USP42: variants seen among roughly 807,000 people sequenced by gnomAD.
USP42 encodes the protein ubiquitin carboxyl-terminal hydrolase 42.
In USP42, 23 loss-of-function variants were observed where a neutral mutation model predicts 113.0. That is an observed-to-expected ratio of 0.20 (90% CI 0.15 to 0.29). The LOEUF is 0.29. Among genes scored for constraint, USP42 ranks in the 10% least tolerant of loss-of-function variants. USP42 has a pLI of 1.00. For synonymous variants in USP42, 933 were observed against 699.0 expected, an observed-to-expected ratio of 1.33 and a Z score of -5.28; for missense variants, 2,174 against 1,779.8, an observed-to-expected ratio of 1.22 and a Z score of -3.99.
upstream of USP42, among the ~76,000 whole-genome samples, chr7:6,103,738 CAA>C (rs398066574): frequency 1.6e-3 from 158 of 100,880 alleles, 5 homozygotes; most frequent in African/African-American, 5.6e-3. Flanking sequence ...CCCGTCTCTA[CAA>C]AAAAAAAAAA....
At chr7:6,107,856 T>G (rs1779378415) in intron 1 of USP42, among the ~76,000 whole-genome samples, 2 of 152,186 alleles carry the variant, frequency 1.3e-5, no homozygotes, top group Non-Finnish European at 2.9e-5. Context: ...TACCTTTGAT[T>G]GATTTAAATT....
intron 3 of USP42, among the ~76,000 whole-genome samples, chr7:6,131,430 C>T (rs932120279): frequency 1.3e-5 from 2 of 151,930 alleles, no homozygotes; most frequent in Non-Finnish European, 2.9e-5. Context: ...GCCGTGATCC[C>T]GCCACTGCAC....
chr7:6,152,934 A>G, intron 14 of USP42: 2 of 985,154 alleles, frequency 2.0e-6, no homozygotes, highest in Non-Finnish European at 1.2e-6. Flanking sequence ...AGGCCCTGTC[A>G]TCACTGGACT....
chr7:6,159,466 C>T lies in USP42; in HGVS notation c.*9C>T. ...GCTTTCTAGGTGATTGAAAACTCAG[C>T]CTCAAAACAAAAAATTCACTAGTTA... On this transcript the variant is annotated 3_prime_UTR_variant, in exon 17 of 18. Coordinates refer to ENST00000306177, the MANE Select transcript of USP42 (RefSeq NM_032172.3). The surrounding 1 kb of genome is among the most constrained non-coding windows in gnomAD (Gnocchi z 4.1). 1 of 1,613,788 alleles carries T rather than the reference C, an allele frequency of 6.2e-7. No individual in the cohort carries two copies. Among genetic ancestry groups the T allele is most frequent in the South Asian group, 1.1e-5 (1 of 91,050 alleles).
At chr7:6,114,243 T>G (rs1779754586) in intron 2 of USP42, among the ~76,000 whole-genome samples, 1 of 152,178 alleles carries the variant, frequency 6.6e-6, no homozygotes, top group Non-Finnish European at 1.5e-5. Context: ...CATGAGATGG[T>G]AAGGACGGCA....
chr7:6,143,153 C>A, intron 8 of USP42, 139 bp downstream of exon 8: 1 of 802,014 alleles, frequency 1.2e-6, no homozygotes, highest in Non-Finnish European at 2.0e-6. Flanking sequence ...TCCCTGTCGT[C>A]CAAAGGCGAG....
Position 6,157,999 on chromosome 7 carries a change from A to G in USP42, c.3943+944A>G, listed in dbSNP as rs115586805. On this transcript the variant is annotated intron_variant, in intron 16 of 17. Coordinates refer to ENST00000306177, the MANE Select transcript of USP42 (RefSeq NM_032172.3). The surrounding 1 kb of genome is among the most constrained non-coding windows in gnomAD (Gnocchi z 4.1). ...GTTAGAAGCGGATGTCACTCGAGTCAGTGGACCTAGAGCGGAGGCTGGCAA... is the reference window on the plus strand; with the variant it reads ...GTTAGAAGCGGATGTCACTCGAGTCGGTGGACCTAGAGCGGAGGCTGGCAA... 7.4e-3 allele frequency among the ~76,000 whole-genome samples: 1,125 copies of G among 152,354 alleles called. 12 individuals carry two copies. Among genetic ancestry groups the G allele is most frequent in the African/African-American group, 0.026 (1,066 of 41,594 alleles).
At position 6,153,977 on chromosome 7, in the gene USP42, A is replaced by G; in HGVS notation, c.2423A>G (p.Asp808Gly). The G allele has an allele frequency of 6.3e-7, 1 of 1,596,186 alleles. No individual in the cohort carries two copies. Among genetic ancestry groups the G allele is most frequent in the Non-Finnish European group, 8.5e-7 (1 of 1,173,784 alleles). The change falls in exon 15 of 18, where the codon GAC becomes GGC. Residue 808 changes from aspartate (D) to glycine (G), a missense_variant. Transcript: ENST00000306177. ...PEEPPPSAGE[D>G]IVGDTAPPDL... ...GAGCCTCCGCCCAGCGCCGGCGAGG[A>G]CATCGTGGGGGACACAGCACCCCCT...
chr7:6,097,832 C>T, the USP42 span, among the ~76,000 whole-genome samples: 36 of 150,274 alleles, frequency 2.4e-4, 2 homozygotes, highest in African/African-American at 7.0e-4. Flanking sequence ...CCTCGTGATC[C>T]GCCCGCCTCG....
the USP42 span, among the ~76,000 whole-genome samples, chr7:6,095,638 C>T: frequency 1.3e-5 from 2 of 151,134 alleles, no homozygotes; most frequent in East Asian, 3.9e-4. Flanking sequence ...CACTGCACTC[C>T]AGCCTGGGCA....
At chr7:6,110,187 G>A (rs1779520659) in intron 1 of USP42, among the ~76,000 whole-genome samples, 1 of 152,092 alleles carries the variant, frequency 6.6e-6, no homozygotes, top group Non-Finnish European at 1.5e-5. Context: ...CTACTGTTGG[G>A]CGATTTTAGA....
chr7:6,135,404 T>G (rs1364558907), intron 3 of USP42, among the ~76,000 whole-genome samples: 1 of 151,990 alleles, frequency 6.6e-6, no homozygotes, highest in Non-Finnish European at 1.5e-5. Context: ...TCCCAGCACT[T>G]TGGGAGGCCA....
chr7:6,116,808 C>G (rs943089694), intron 3 of USP42: 1 of 533,126 alleles, frequency 1.9e-6, no homozygotes, highest in Non-Finnish European at 3.8e-6. Flanking sequence ...ATAATTCATT[C>G]CCCACAGACA....
intron 1 of USP42, among the ~76,000 whole-genome samples, chr7:6,106,183 T>G (rs888865190): frequency 1.3e-5 from 2 of 152,254 alleles, no homozygotes; most frequent in Non-Finnish European, 2.9e-5. Flanking sequence ...AGTAAGTATT[T>G]GGTTTATAAA....
intron 14 of USP42, among the ~76,000 whole-genome samples, chr7:6,152,101 A>G (rs944784509): frequency 6.6e-6 from 1 of 152,162 alleles, no homozygotes; most frequent in Non-Finnish European, 1.5e-5. Flanking sequence ...GAGGAAGGGA[A>G]TTTGTCATGC....
chr7:6,082,613 T>TTTG, the USP42 span, among the ~76,000 whole-genome samples: 12 of 84,282 alleles, frequency 1.4e-4, 1 homozygote, highest in African/African-American at 4.5e-4. Context: ...GTTTTTTTTT[T>TTTG]TTTTTTTTTT....
intron 7 of USP42, among the ~76,000 whole-genome samples, chr7:6,142,349 T>C (rs904797817): frequency 6.6e-6 from 1 of 151,920 alleles, no homozygotes; most frequent in Non-Finnish European, 1.5e-5. Context: ...CCCAAGTAGC[T>C]GGGACTACAG....
intron 9 of USP42, among the ~76,000 whole-genome samples, chr7:6,144,670 G>A (rs1781608258): frequency 6.6e-6 from 1 of 152,140 alleles, no homozygotes; most frequent in Admixed American, 6.5e-5. Context: ...GGGAGTTTGA[G>A]ACCACTCTGG....
chr7:6,131,991 G>A, intron 3 of USP42, among the ~76,000 whole-genome samples: 1 of 152,188 alleles, frequency 6.6e-6, no homozygotes, highest in East Asian at 1.9e-4. Context: ...AGAGTGCAGT[G>A]GTGTGATTAT....
Sources: allele counts gnomAD v4.1 joint callset (sites outside exome capture counted in the v4.1 genomes callset), GRCh38; gene constraint gnomAD v4.1.1; non-coding constraint Gnocchi (gnomAD v3.1); transcripts MANE v1.5; gene names NCBI Gene and HGNC (gene_info 2026-07-23, HGNC 2026-07-21).